Variants in ANO3 observed in about 807,000 individuals in gnomAD.
The protein encoded by ANO3 is anoctamin 3.
In ANO3, 99 loss-of-function variants were observed where a neutral mutation model predicts 144.8. The ratio of observed to expected loss-of-function variants is 0.68; its 90% CI spans 0.58 to 0.81. The LOEUF is 0.81. Ranked by LOEUF, ANO3 falls within the 30% of genes least tolerant of loss-of-function variation. The pLI, the probability that ANO3 is intolerant of heterozygous loss-of-function variation, is 0.00. For missense variants in ANO3, 905 were observed against 1,202.2 expected (o/e 0.75, Z 3.66); for synonymous variants, 414 against 392.6 (o/e 1.05, Z -0.64).
rs182291383 is a variant in ANO3, at chr11:26,198,776, A to C, written c.154+9446A>C. On this transcript the variant is annotated intron_variant, in intron 1 of 27. Coordinates refer to the ANO3 transcript ENST00000672621. ...ATAGTTTATGCCCCATATTTAAGCT[A>C]CGCCTGAAGCCATTCTGCCTTCCAA... Among the ~76,000 whole-genome samples, 236 of 152,292 alleles carry C rather than the reference A, an allele frequency of 1.5e-3. 1 individual carries two copies. The highest frequency in any genetic ancestry group is 0.014 in the Middle Eastern group (4 of 294).
At chr11:26,534,699 A>T in intron 9 of ANO3, 137 bp downstream of exon 9, 1 of 490,910 alleles carries the variant, frequency 2.0e-6, no homozygotes, top group South Asian at 7.2e-5. Context: ...ACACTCTATA[A>T]GCATTCCATT....
chr11:26,298,912 A>T (rs1254246623), intron 1 of ANO3, among the ~76,000 whole-genome samples: 1 of 152,202 alleles, frequency 6.6e-6, no homozygotes, highest in Non-Finnish European at 1.5e-5. Flanking sequence ...GATCAGAGAG[A>T]TCATTTGGGA....
intron 4 of ANO3, among the ~76,000 whole-genome samples, chr11:26,504,413 G>A (rs1236140162): frequency 6.6e-6 from 1 of 151,970 alleles, no homozygotes; most frequent in African/African-American, 2.4e-5. Flanking sequence ...GTCTGGCTGT[G>A]GACTAGATGT....
At chr11:26,239,128 C>A (rs550638780) in intron 1 of ANO3, among the ~76,000 whole-genome samples, 2,501 of 150,518 alleles carry the variant, frequency 0.017, 53 homozygotes, top group East Asian at 0.13. Context: ...AAATTATTTA[C>A]CTAATAAAAA....
Position 26,660,668 on chromosome 11 carries a change from G to A in ANO3, c.*224G>A. 1 of 458,552 alleles carries A rather than the reference G, an allele frequency of 2.2e-6. No homozygotes were observed. The allele number at this position is 458,552 out of a possible 1,614,324, so 28.4% of individuals were successfully genotyped here. A position where few individuals can be genotyped will look rare whatever the true frequency, so the allele number is the denominator to read the frequency against. On this transcript the variant is annotated 3_prime_UTR_variant, in exon 27 of 27. Transcript: ENST00000256737. ...AAAAAGGGTTAGATTGACATTGCAG[G>A]AAGCCAGGATGTAATTCTCAGAACC... is the stretch of plus-strand genomic sequence containing the variant.
intron 4 of ANO3, among the ~76,000 whole-genome samples, chr11:26,496,328 G>A (rs1174677770): frequency 6.6e-6 from 1 of 152,104 alleles, no homozygotes; most frequent in Non-Finnish European, 1.5e-5. Context: ...TGCACACTGG[G>A]CTGTCTGACT....
At position 26,482,059 on chromosome 11, in the gene ANO3, A is replaced by AT. The variant is rs970473859; in HGVS notation, c.432+18921dup. 1.9e-4 allele frequency among the ~76,000 whole-genome samples: 28 copies of AT among 146,102 alleles called. No individual in the cohort carries two copies. The South Asian group carries it at 3.5e-3, about 18-fold the overall frequency. The stretch of plus-strand genomic sequence containing the variant: ...AGGCACATGCTACCATGCCTTGCTC[A>AT]TTTTTTTTTTAATCTTCTCTTAGAG... On this transcript the variant is annotated intron_variant, in intron 4 of 26. Coordinates refer to ENST00000256737, the MANE Select transcript of ANO3 (RefSeq NM_031418.4).
chr11:26,359,257 T>C (rs950168711), intron 1 of ANO3, among the ~76,000 whole-genome samples: 3 of 152,212 alleles, frequency 2.0e-5, no homozygotes, highest in Non-Finnish European at 4.4e-5. Context: ...GCTTTTAAGT[T>C]CTGTGAGGTG....
chr11:26,526,126 A>C (rs1318002386), intron 7 of ANO3, among the ~76,000 whole-genome samples: 1 of 152,102 alleles, frequency 6.6e-6, no homozygotes, highest in Non-Finnish European at 1.5e-5. Flanking sequence ...AAGGCCATGT[A>C]CCGTCTTTTG....
At chr11:26,500,600 T>C (rs1379807790) in intron 4 of ANO3, among the ~76,000 whole-genome samples, 1 of 152,182 alleles carries the variant, frequency 6.6e-6, no homozygotes, top group Admixed American at 6.5e-5. Flanking sequence ...TATATTTTCT[T>C]TGGAGAAATA....
chr11:26,583,262 A>G (rs1851182764), intron 14 of ANO3, among the ~76,000 whole-genome samples: 1 of 152,190 alleles, frequency 6.6e-6, no homozygotes, highest in Non-Finnish European at 1.5e-5. Flanking sequence ...AGGCGGGGGA[A>G]AGATGTCAAG....
chr11:26,407,923 C>T (rs1397615134), intron 1 of ANO3, among the ~76,000 whole-genome samples: 2 of 151,988 alleles, frequency 1.3e-5, no homozygotes, highest in East Asian at 3.9e-4. Context: ...CTGTAGAAGA[C>T]TCATCTCCCC....
At chr11:26,575,017 C>G (rs992682269) in intron 14 of ANO3, among the ~76,000 whole-genome samples, 2 of 151,966 alleles carry the variant, frequency 1.3e-5, no homozygotes, top group African/African-American at 4.8e-5. Flanking sequence ...GCATTTAATT[C>G]GACCATAGTT....
At chr11:26,617,023 A>G (rs995431507) in intron 17 of ANO3, among the ~76,000 whole-genome samples, 4 of 152,178 alleles carry the variant, frequency 2.6e-5, no homozygotes, top group Non-Finnish European at 5.9e-5. Flanking sequence ...CACCTGCCTC[A>G]GCCTTCCAAA....
At chr11:26,515,303 G>T (rs757491268) in intron 5 of ANO3, among the ~76,000 whole-genome samples, 5 of 150,522 alleles carry the variant, frequency 3.3e-5, no homozygotes, top group Non-Finnish European at 7.4e-5. Context: ...CCTTGATCCA[G>T]AAGTTTGGAA....
At chr11:26,267,757 A>G (rs79747731) in intron 1 of ANO3, among the ~76,000 whole-genome samples, 3,002 of 152,258 alleles carry the variant, frequency 0.02, 60 homozygotes, top group East Asian at 0.12. Flanking sequence ...CCTCAAAATG[A>G]TCTTGTGCAC....
chr11:26,384,390 G>T (rs1856668614), intron 1 of ANO3, among the ~76,000 whole-genome samples: 2 of 152,116 alleles, frequency 1.3e-5, no homozygotes, highest in South Asian at 4.1e-4. Flanking sequence ...ACAGTACATG[G>T]AGAAGTCTGC....
chr11:26,583,495 A>G (rs1028093541), intron 14 of ANO3, among the ~76,000 whole-genome samples: 4 of 152,348 alleles, frequency 2.6e-5, no homozygotes, highest in African/African-American at 9.6e-5. Flanking sequence ...AGTTCGGTCC[A>G]AATGTTCAAA....
intron 1 of ANO3, among the ~76,000 whole-genome samples, chr11:26,302,923 C>T (rs998765474): frequency 6.6e-6 from 1 of 151,970 alleles, no homozygotes; most frequent in Non-Finnish European, 1.5e-5. Flanking sequence ...TAAAAGTAGC[C>T]AACAAACATA....
Sources: gnomAD v4.1 joint callset for allele counts (sites outside exome capture counted in the v4.1 genomes callset) on GRCh38, gnomAD v4.1.1 for gene constraint, MANE v1.5 for transcripts, NCBI Gene and HGNC (gene_info 2026-07-23, HGNC 2026-07-21) for gene names.